The following SCD5 variants were observed in gnomAD, a reference collection of about 807,000 sequenced individuals.
The protein encoded by SCD5 is acyl-CoA-desaturase 4.
Under a neutral mutation model 30.4 loss-of-function variants are expected in SCD5, and 20 were observed. The ratio of observed to expected loss-of-function variants is 0.66; its 90% CI spans 0.46 to 0.96. The LOEUF (loss-of-function observed/expected upper bound fraction) is 0.96, where lower values mean the gene tolerates loss of function less well. Ranked by LOEUF, SCD5 falls within the 40% of genes least tolerant of loss-of-function variation. SCD5 has a pLI of 0.00. For synonymous variants in SCD5, 173 were observed against 176.4 expected (o/e 0.98, Z 0.16); for missense variants, 381 against 443.3 (o/e 0.86, Z 1.26).
chr4:82,657,542 A>C (rs960132756), intron 3 of SCD5, among the ~76,000 whole-genome samples: 2 of 152,230 alleles, frequency 1.3e-5, no homozygotes, highest in African/African-American at 4.8e-5. Flanking sequence ...TGATGCCTCC[A>C]GCTTTGCTCT....
chr4:82,666,497 A>G (rs1728193123), intron 3 of SCD5, among the ~76,000 whole-genome samples: 1 of 151,972 alleles, frequency 6.6e-6, no homozygotes, highest in African/African-American at 2.4e-5. Context: ...CCTGGGAGAC[A>G]GAGCGAGACT....
intron 1 of SCD5, among the ~76,000 whole-genome samples, chr4:82,783,573 G>A (rs1235304928): frequency 6.6e-6 from 1 of 152,142 alleles, no homozygotes; most frequent in Admixed American, 6.5e-5. Context: ...GGGAGGCCGA[G>A]GTGGGCGGAT....
chr4:82,787,418 T>G (rs1340689921), intron 1 of SCD5, among the ~76,000 whole-genome samples: 1 of 151,756 alleles, frequency 6.6e-6, no homozygotes, highest in Non-Finnish European at 1.5e-5. Flanking sequence ...CACACTGAAA[T>G]GTAAAACACA....
At chr4:82,636,528 A>T in intron 4 of SCD5, 63 bp downstream of exon 4, 1 of 1,298,554 alleles carries the variant, frequency 7.7e-7, no homozygotes, top group Non-Finnish European at 1.1e-6. Context: ...CCACAAAACT[A>T]CTGAGAGGCC....
intron 2 of SCD5, chr4:82,698,169 T>C: frequency 2.2e-6 from 1 of 455,936 alleles, no homozygotes; most frequent in Non-Finnish European, 4.4e-6. Context: ...GAAGAAAAGT[T>C]GTGCATCTGA....
intron 1 of SCD5, among the ~76,000 whole-genome samples, chr4:82,785,421 T>C (rs1490757380): frequency 3.3e-5 from 5 of 152,196 alleles, no homozygotes; most frequent in Non-Finnish European, 5.9e-5. Flanking sequence ...AACCACCCTT[T>C]ATCAATTTGC....
chr4:82,679,024 C>T (rs1160965029), intron 3 of SCD5, among the ~76,000 whole-genome samples: 2 of 151,376 alleles, frequency 1.3e-5, no homozygotes, highest in African/African-American at 4.9e-5. Flanking sequence ...ATGGTGAAAC[C>T]CTGTCTCTAC....
intron 1 of SCD5, among the ~76,000 whole-genome samples, chr4:82,734,148 G>A (rs1720698217): frequency 6.6e-6 from 1 of 152,204 alleles, no homozygotes; most frequent in Admixed American, 6.5e-5. Flanking sequence ...GGGGCAAGAA[G>A]GATCAGACCA....
chr4:82,710,207 G>A (rs1309994855), intron 1 of SCD5, among the ~76,000 whole-genome samples: 1 of 152,088 alleles, frequency 6.6e-6, no homozygotes, highest in Non-Finnish European at 1.5e-5. Context: ...GCAAAACCAG[G>A]GCTGAGAAAC....
intron 1 of SCD5, among the ~76,000 whole-genome samples, chr4:82,722,852 G>T (rs1310407437): frequency 6.6e-6 from 1 of 152,074 alleles, no homozygotes; most frequent in Non-Finnish European, 1.5e-5. Context: ...CAAATCACCT[G>T]AGGTCAGAAG....
At chr4:82,784,119 CT>C (rs1721938038) in intron 1 of SCD5, among the ~76,000 whole-genome samples, 1 of 152,158 alleles carries the variant, frequency 6.6e-6, no homozygotes. Flanking sequence ...TGATACTATT[CT>C]TAACAACTGT....
intron 3 of SCD5, among the ~76,000 whole-genome samples, chr4:82,642,711 C>G (rs1345545851): frequency 6.6e-6 from 1 of 152,218 alleles, no homozygotes; most frequent in Non-Finnish European, 1.5e-5. Flanking sequence ...GGCTCGCAGC[C>G]CTGACTGCAC....
Position 82,670,183 on chromosome 4 carries a change from C to T in SCD5, c.569+10524G>A, listed in dbSNP as rs150664049. 3.5e-3 allele frequency among the ~76,000 whole-genome samples: 535 copies of T among 152,240 alleles called. 7 individuals are homozygous for T. The highest frequency in any genetic ancestry group is 0.012 in the African/African-American group (508 of 41,542). Reference sequence around the variant, plus strand: ...TGAAGAGACACAGCAAGCATCAGAACTAGATATAGCAAGGACCTTGGAATT... The same window carrying T: ...TGAAGAGACACAGCAAGCATCAGAATTAGATATAGCAAGGACCTTGGAATT... On this transcript the variant is annotated intron_variant, in intron 3 of 4. Coordinates refer to ENST00000319540, the MANE Select transcript of SCD5 (RefSeq NM_001037582.3).
intron 1 of SCD5, among the ~76,000 whole-genome samples, chr4:82,735,210 T>A (rs1218632181): frequency 6.6e-6 from 1 of 152,240 alleles, no homozygotes; most frequent in Non-Finnish European, 1.5e-5. Flanking sequence ...GTTTGCAAGT[T>A]CTCCCCATGT....
chr4:82,730,731 A>C (rs181632640), intron 1 of SCD5, among the ~76,000 whole-genome samples: 1 of 150,100 alleles, frequency 6.7e-6, no homozygotes, highest in East Asian at 2.0e-4. Context: ...GACTACAGGC[A>C]CCCACCACCA....
At chr4:82,683,136 A>G (rs963430433) in intron 2 of SCD5, among the ~76,000 whole-genome samples, 1 of 152,320 alleles carries the variant, frequency 6.6e-6, no homozygotes, top group Non-Finnish European at 1.5e-5. Context: ...AAAGAGAGAA[A>G]ACAGGAGCAT....
chr4:82,794,751 G>A (rs1442688087), intron 1 of SCD5, among the ~76,000 whole-genome samples: 5 of 151,064 alleles, frequency 3.3e-5, no homozygotes, highest in South Asian at 2.1e-4. Context: ...CCAGGTTCAC[G>A]CCATTCTCCT....
chr4:82,769,003 T>C (rs1016546740), intron 1 of SCD5, among the ~76,000 whole-genome samples: 2 of 151,802 alleles, frequency 1.3e-5, no homozygotes, highest in African/African-American at 4.8e-5. Flanking sequence ...GTTTAACATA[T>C]GAAACAGAGA....
intron 3 of SCD5, among the ~76,000 whole-genome samples, chr4:82,673,322 C>T (rs1728365490): frequency 6.6e-6 from 1 of 152,066 alleles, no homozygotes; most frequent in South Asian, 2.1e-4. Context: ...AACAAGGTTG[C>T]CAGATACAAG....
Sources: allele counts gnomAD v4.1 joint callset (sites outside exome capture counted in the v4.1 genomes callset), GRCh38; gene constraint gnomAD v4.1.1; transcripts MANE v1.5; gene names NCBI Gene and HGNC (gene_info 2026-07-23, HGNC 2026-07-21).